CPN1: variants seen among roughly 807,000 people sequenced by gnomAD.
CPN1 encodes the protein carboxypeptidase N subunit 1, also known as carboxypeptidase N catalytic chain.
CPN1 carries 37 observed loss-of-function variants against 46.4 expected under a neutral mutation model. That is an observed-to-expected ratio of 0.80 (90% CI 0.61 to 1.05). CPN1 has a LOEUF of 1.05. CPN1 is among the 50% of genes least tolerant of loss of function. The pLI is 0.00. For missense variants in CPN1, 563 were observed against 602.6 expected, an observed-to-expected ratio of 0.93 and a Z score of 0.69; for synonymous variants, 224 against 235.4, an observed-to-expected ratio of 0.95 and a Z score of 0.44.
chr10:100,070,253 A>G (rs932850065), intron 2 of CPN1, among the ~76,000 whole-genome samples: 7 of 151,728 alleles, frequency 4.6e-5, no homozygotes, highest in South Asian at 2.1e-4. Context: ...AGGCGGAGGC[A>G]GGTGGATCAC....
At chr10:100,050,230 T>C (rs1157710988) in intron 7 of CPN1, among the ~76,000 whole-genome samples, 2 of 152,108 alleles carry the variant, frequency 1.3e-5, no homozygotes, top group Non-Finnish European at 2.9e-5. Flanking sequence ...GGCACATGCT[T>C]GTAGTCTCAG....
rs1309752817 is a variant in CPN1 at position 100,069,823 on chromosome 10, C to G, written c.467G>C (p.Gly156Ala). Reference sequence around the variant, plus strand: ...AGGGAAGTTGCGGTTCAGGTCCACTCCATTTGCATTGTTCCTGCCAACTAG... The same window carrying G: ...AGGGAAGTTGCGGTTCAGGTCCACTGCATTTGCATTGTTCCTGCCAACTAG... ...GYLVGRNNAN[G>A]VDLNRNFPDL... The change falls in exon 3 of 9, where the codon GGA (glycine) becomes GCA (alanine). Residue 156 changes from glycine to alanine, a missense_variant. Physicochemically the swap from Gly to Ala is moderately conservative, Grantham distance 60. Transcript: ENST00000370418. 3.1e-6 allele frequency: 5 copies of G among 1,613,664 alleles called. No individual in the cohort carries two copies. The highest frequency in any genetic ancestry group is 3.4e-6 in the Non-Finnish European group (4 of 1,179,982).
chr10:100,043,105 A>G (rs966173677), intron 8 of CPN1, among the ~76,000 whole-genome samples: 1 of 150,160 alleles, frequency 6.7e-6, no homozygotes, highest in African/African-American at 2.5e-5. Flanking sequence ...AAAAAAAAAA[A>G]AAAAGAAAAA....
chr10:100,069,881 T>C lies in CPN1; in HGVS notation c.421-12A>G. ...GGCTTGTTTGGGCCCTAAAGGAAAA[T>C]GAAAAGATGAAAAATGAAGGTTTCA... On this transcript the variant is annotated splice_polypyrimidine_tract_variant and intron_variant, in intron 2 of 8. Transcript: ENST00000370418. 2 of 1,613,472 alleles carry C rather than the reference T, an allele frequency of 1.2e-6. No individual in the cohort carries two copies. The highest frequency in any genetic ancestry group is 1.7e-6 in the Non-Finnish European group (2 of 1,179,918).
chr10:100,050,713 C>G (rs2041347013), intron 7 of CPN1, among the ~76,000 whole-genome samples: 1 of 152,200 alleles, frequency 6.6e-6, no homozygotes, highest in South Asian at 2.1e-4. Flanking sequence ...CAACCTTGAA[C>G]TCCCAGACTC....
intron 2 of CPN1, among the ~76,000 whole-genome samples, chr10:100,071,520 C>A (rs184516114): frequency 2.6e-5 from 4 of 152,248 alleles, no homozygotes; most frequent in African/African-American, 9.6e-5. Context: ...ACAAGGACAC[C>A]AGTTATGCTG....
chr10:100,046,102 T>A (rs2041309555), intron 8 of CPN1, among the ~76,000 whole-genome samples: 1 of 152,168 alleles, frequency 6.6e-6, no homozygotes, highest in South Asian at 2.1e-4. Flanking sequence ...TCTCATCCTA[T>A]CTATAAAAGA....
rs550556971 is a variant in CPN1, at chr10:100,045,365, G to A, written c.1231-2792C>T. Among the ~76,000 whole-genome samples the A allele has an allele frequency of 2.0e-5, 3 of 152,252 alleles. No individual in the cohort carries two copies. The East Asian group carries it at 5.8e-4, about 29-fold the overall frequency. ...ATTTTAGGATATAACAAGAAAAAAG[G>A]GAAAGAGGACCCCAGATCAGCTCAT... On this transcript the variant is annotated intron_variant, in intron 8 of 8. Transcript: ENST00000370418.
Position 100,042,450 on chromosome 10 carries a change from G to T in CPN1, c.1354C>A (p.Gln452Lys). 1 of 1,613,554 alleles carries T rather than the reference G, an allele frequency of 6.2e-7. No homozygotes were observed. The highest frequency in any genetic ancestry group is 8.5e-7 in the Non-Finnish European group (1 of 1,180,032). ...TTTCAGGCAGGGCCTCTCTGCAGCT[G>T]CCTCATCTCCATTTCTTTCTTTCTG... The part of the protein sequence containing the change: ...QARKKEMEMR[Q>K]LQRGPA Residue 452 changes from glutamine (Q) to lysine (K), a missense_variant, in exon 9 of 9, where the codon CAG (glutamine) becomes AAG (lysine). By Grantham distance (53) the Gln-to-Lys change is moderately conservative. Coordinates refer to ENST00000370418, the MANE Select transcript of CPN1 (RefSeq NM_001308.3).
chr10:100,042,244 A>G lies in CPN1; in HGVS notation c.*183T>C. On this transcript the variant is annotated 3_prime_UTR_variant, in exon 9 of 9. Coordinates refer to ENST00000370418, the MANE Select transcript of CPN1 (RefSeq NM_001308.3). ...CGGCCACCACATCACCTTTCAATAG[A>G]TCCTAATTTTTTTCATGATGACCTA... The G allele has an allele frequency of 1.3e-6, 1 of 775,442 alleles. No individual in the cohort carries two copies. The highest frequency in any genetic ancestry group is 2.1e-6 in the Non-Finnish European group (1 of 477,472). The allele number at this position is 775,442 out of a possible 1,614,324, so 48.0% of individuals were successfully genotyped here. A position where few individuals can be genotyped will look rare whatever the true frequency, so the allele number is the denominator to read the frequency against.
chr10:100,069,310 G>A (rs777801278), intron 3 of CPN1, among the ~76,000 whole-genome samples: 2 of 151,970 alleles, frequency 1.3e-5, no homozygotes, highest in Non-Finnish European at 2.9e-5. Context: ...GTGAAACCCC[G>A]TCTCTACTAA....
Position 100,066,512 on chromosome 10 carries a change from G to A in CPN1, c.577-1142C>T, listed in dbSNP as rs183125266. ...CTGTGGTCAAATCCAAATTTCATGG[G>A]TTAGACATACTGTCAGATGGGCCAG... On this transcript the variant is annotated intron_variant, in intron 3 of 8. Coordinates refer to ENST00000370418, the MANE Select transcript of CPN1 (RefSeq NM_001308.3). Among the ~76,000 whole-genome samples, 111 of 152,322 alleles carry A rather than the reference G, an allele frequency of 7.3e-4. 1 individual carries two copies. The highest frequency in any genetic ancestry group is 2.4e-3 in the African/African-American group (100 of 41,564).
chr10:100,076,325 C>A (rs1488895153), intron 1 of CPN1, among the ~76,000 whole-genome samples: 2 of 152,090 alleles, frequency 1.3e-5, no homozygotes, highest in Non-Finnish European at 2.9e-5. Flanking sequence ...TGTATTGAAC[C>A]CCCATAGTGT....
rs757944645 is a variant in CPN1, at chr10:100,076,067, G to A, written c.264C>T (p.Asn88=). 50 of 1,614,062 alleles carry A rather than the reference G, an allele frequency of 3.1e-5. No homozygotes were observed. Among genetic ancestry groups the A allele is most frequent in the Admixed American group, 6.7e-5 (4 of 59,992 alleles). Residue 88 remains asparagine, a synonymous_variant, in exon 2 of 9, where the codon AAC becomes AAT. Coordinates refer to ENST00000370418, the MANE Select transcript of CPN1 (RefSeq NM_001308.3). ...GCATCAGCTCGCGGCCCAACGCTTCGTTGCCGTGCATGTTCCCCACATACT... is the reference window on the plus strand; with the variant it reads ...GCATCAGCTCGCGGCCCAACGCTTCATTGCCGTGCATGTTCCCCACATACT... The part of the protein sequence containing the change: ...EVKYVGNMHG[N]EALGRELMLQ...
In CPN1 at chr10:100,081,776, G is replaced by A. The variant is rs1180803084; in HGVS notation, c.-151C>T. The A allele has an allele frequency of 4.3e-6, 3 of 698,404 alleles. No individual in the cohort carries two copies. In the African/African-American group the frequency reaches 5.3e-5, roughly 12 times the overall value. 43.3% of individuals were successfully genotyped at this position (698,404 alleles called of 1,614,324 possible). On this transcript the variant is annotated 5_prime_UTR_variant, in exon 1 of 9. Coordinates refer to ENST00000370418, the MANE Select transcript of CPN1 (RefSeq NM_001308.3). ...AAGACGTTCCCAGCTGTCCGTCCAA[G>A]GCTGGAAATTCTTTATGTCGTTCTG...
At chr10:100,051,311 A>G (rs1441087117) in intron 7 of CPN1, among the ~76,000 whole-genome samples, 5 of 152,146 alleles carry the variant, frequency 3.3e-5, no homozygotes, top group African/African-American at 1.2e-4. Context: ...AGCAAAGTAC[A>G]TGTGTTGGAT....
intron 2 of CPN1, among the ~76,000 whole-genome samples, chr10:100,074,637 G>A (rs929131521): frequency 6.6e-6 from 1 of 151,988 alleles, no homozygotes; most frequent in African/African-American, 2.4e-5. Context: ...GGCTGATCTC[G>A]AACTCCCGAC....
intron 6 of CPN1, among the ~76,000 whole-genome samples, chr10:100,055,770 C>T (rs1223351784): frequency 7.9e-5 from 12 of 152,120 alleles, no homozygotes; most frequent in Non-Finnish European, 1.5e-4. Context: ...GTGATCCGCC[C>T]GCCTCGGCCT....
intron 1 of CPN1, 146 bp downstream of exon 1, chr10:100,081,257 C>T: frequency 1.3e-6 from 1 of 746,362 alleles, no homozygotes; most frequent in Non-Finnish European, 2.3e-6. Context: ...AGTTTGAGGG[C>T]TAAGAGGGAA....
Sources: gnomAD v4.1 joint callset for allele counts (sites outside exome capture counted in the v4.1 genomes callset) on GRCh38, gnomAD v4.1.1 for gene constraint, MANE v1.5 for transcripts, NCBI Gene and HGNC (gene_info 2026-07-23, HGNC 2026-07-21) for gene names.